Variants in LOXL3 observed in about 807,000 individuals in gnomAD.
The protein encoded by LOXL3 is lysyl oxidase like 3.
A neutral mutation model predicts 91.8 loss-of-function variants in LOXL3; 60 were observed. The ratio of observed to expected loss-of-function variants is 0.65; its 90% CI spans 0.53 to 0.81. The LOEUF (loss-of-function observed/expected upper bound fraction) is 0.81. Among genes scored for constraint, LOXL3 ranks in the 30% least tolerant of loss-of-function variants. The pLI is 0.00. For synonymous variants in LOXL3, 355 were observed against 387.6 expected (o/e 0.92, Z 0.99); for missense variants, 874 against 1,000.4 (o/e 0.87, Z 1.70).
At chr2:74,548,511 G>C in intron 4 of LOXL3, among the ~76,000 whole-genome samples, 1 of 152,208 alleles carries the variant, frequency 6.6e-6, no homozygotes, top group African/African-American at 2.4e-5. Context: ...GTGTGCCCGC[G>C]GAAACCTATC....
intron 13 of LOXL3, 98 bp from the exon 14 acceptor site, chr2:74,533,777 C>G: frequency 7.0e-7 from 1 of 1,427,946 alleles, no homozygotes; most frequent in East Asian, 2.3e-5. Flanking sequence ...GGACTGAGAG[C>G]TCTACAGGAA....
Position 74,535,545 on chromosome 2 carries a change from G to A in LOXL3, c.1416+43C>T, listed in dbSNP as rs755483219. On this transcript the variant is annotated intron_variant, in intron 8 of 13. Transcript: ENST00000264094. This position sits in a 1 kb window ranked among gnomAD's most constrained non-coding sequence, Gnocchi z 4.2. ...CCTCAGCCCTCTGCCCAAAACACAGGCTTTGAGACAACAGCCTCGGCTCCC... is the reference window on the plus strand; with the variant it reads ...CCTCAGCCCTCTGCCCAAAACACAGACTTTGAGACAACAGCCTCGGCTCCC... 1.9e-6 allele frequency: 3 copies of A among 1,612,288 alleles called. No individual in the cohort carries two copies. In the East Asian group the frequency reaches 6.7e-5, roughly 36 times the overall value.
chr2:74,543,793 C>T lies in LOXL3; in HGVS notation c.692+5576G>A, dbSNP rs562007350. On this transcript the variant is annotated intron_variant, in intron 4 of 13. Transcript: ENST00000264094. ...GCGCGTGCCCGTAATCCCAGCTACT[C>T]GAGAGGCTGAGGTAGGAGAATTGCT... Among the ~76,000 whole-genome samples, 6 of 149,622 alleles carry T rather than the reference C, an allele frequency of 4.0e-5. No individual in the cohort carries two copies. In the South Asian group the frequency reaches 1.1e-3, roughly 26 times the overall value.
In LOXL3 at chr2:74,550,288, G is replaced by T; in HGVS notation, c.374C>A (p.Ala125Asp). 6.2e-7 allele frequency: 1 copy of T among 1,614,140 alleles called. No homozygotes were observed. The highest frequency in any genetic ancestry group is 8.5e-7 in the Non-Finnish European group (1 of 1,179,996). Residue 125 changes from alanine (A) to aspartate (D), a missense_variant, in exon 3 of 14, where the codon GCC becomes GAC. By Grantham distance (126) the Ala-to-Asp change is moderately radical. Transcript: ENST00000264094. ...GTCACTGTTCCCCCAGCCCCGGGAG[G>T]CACATTCAGTCACACTCTGCTCGGT... The part of the protein sequence containing the change: ...SGTEQSVTEC[A>D]SRGWGNSDCT...
At chr2:74,538,842 C>A (rs747303419) in intron 4 of LOXL3, among the ~76,000 whole-genome samples, 1 of 152,196 alleles carries the variant, frequency 6.6e-6, no homozygotes, top group Non-Finnish European at 1.5e-5. Context: ...TGGAACTCAG[C>A]AGGGGAAGAT....
At chr2:74,548,791 A>G (rs1212882629) in intron 4 of LOXL3, among the ~76,000 whole-genome samples, 2 of 152,120 alleles carry the variant, frequency 1.3e-5, no homozygotes, top group African/African-American at 4.8e-5. Context: ...GGCCTCGCCA[A>G]AAGAGATCCT....
Position 74,552,403 on chromosome 2 carries a change from C to A in LOXL3, c.232G>T (p.Ala78Ser). The change falls in exon 2 of 14, where the codon GCT (alanine) becomes TCT (serine). Residue 78 changes from alanine to serine, a missense_variant. By Grantham distance (99) the Ala-to-Ser change is moderately conservative. Coordinates refer to ENST00000264094, the MANE Select transcript of LOXL3 (RefSeq NM_032603.5). ...AGCTCCCGGCAGAGGATGTGGGCAGCCTGCAGCGTGAAGTCATCATCGCAG... is the reference window on the plus strand; with the variant it reads ...AGCTCCCGGCAGAGGATGTGGGCAGACTGCAGCGTGAAGTCATCATCGCAG... The part of the protein sequence containing the change: ...TICDDDFTLQ[A>S]AHILCRELGF... 1.9e-6 allele frequency: 3 copies of A among 1,613,620 alleles called. No individual in the cohort carries two copies. Among genetic ancestry groups the A allele is most frequent in the South Asian group, 1.1e-5 (1 of 91,086 alleles).
chr2:74,550,253 C>A lies in LOXL3; in HGVS notation c.409G>T (p.Asp137Tyr). 1 of 1,614,198 alleles carries A rather than the reference C, an allele frequency of 6.2e-7. No homozygotes were observed. Among genetic ancestry groups the A allele is most frequent in the Non-Finnish European group, 8.5e-7 (1 of 1,180,034 alleles). The change falls in exon 3 of 14, where the codon GAT becomes TAT. Residue 137 changes from aspartate to tyrosine, a missense_variant. Physicochemically the swap from Asp to Tyr is radical, Grantham distance 160. Coordinates refer to ENST00000264094, the MANE Select transcript of LOXL3 (RefSeq NM_032603.5). ...TTGCAGATGACCCCAGCATCCTCAT[C>A]GTGCGTACAGTCACTGTTCCCCCAG... ...RGWGNSDCTHDEDAGVICKDQ... is the reference protein window; with the variant it reads ...RGWGNSDCTHYEDAGVICKDQ...
intron 13 of LOXL3, 83 bp from the exon 14 acceptor site, chr2:74,533,762 T>A: frequency 1.4e-6 from 2 of 1,465,360 alleles, no homozygotes; most frequent in Non-Finnish European, 1.9e-6. Flanking sequence ...TGGGTAGAAG[T>A]GGAGGGACTG....
Position 74,533,667 on chromosome 2 carries a change from C to T in LOXL3, c.2201G>A (p.Ser734Asn). The change falls in exon 14 of 14, where the codon AGT becomes AAT. Residue 734 changes from serine to asparagine, a missense_variant. Physicochemically the swap from Ser to Asn is conservative, Grantham distance 46. Coordinates refer to ENST00000264094, the MANE Select transcript of LOXL3 (RefSeq NM_032603.5). ...TTCAAACCTCCTGTTGGCCTCTTCA[C>T]TGAAGGCATCACCTGCAGAGTGGAC... Reference protein sequence around the residue: ...VHNCHIGDAFSEEANRRFERY... With the variant: ...VHNCHIGDAFNEEANRRFERY... 1 of 1,614,068 alleles carries T rather than the reference C, an allele frequency of 6.2e-7. No homozygotes were observed. Among genetic ancestry groups the T allele is most frequent in the Non-Finnish European group, 8.5e-7 (1 of 1,179,996 alleles).
Position 74,535,278 on chromosome 2 carries a change from C to T in LOXL3, c.1579+14G>A, listed in dbSNP as rs867955250. ...CTCCCTTCCCTGGCATGCATCACCC[C>T]CTCCTTCACTCACTCTCAGAACAGA... is the stretch of plus-strand genomic sequence containing the variant. On this transcript the variant is annotated intron_variant, in intron 9 of 13. Transcript: ENST00000264094. This position sits in a 1 kb window ranked among gnomAD's most constrained non-coding sequence, Gnocchi z 4.2. 2.5e-6 allele frequency: 4 copies of T among 1,603,502 alleles called. No individual in the cohort carries two copies. Among genetic ancestry groups the T allele is most frequent in the Non-Finnish European group, 3.4e-6 (4 of 1,173,286 alleles).
rs1380978373 is a variant in LOXL3, at chr2:74,535,339, C to A, written c.1532G>T (p.Cys511Phe). Reference sequence around the variant, plus strand: ...AGTGAAGCGGGTCCCTGTCCTCTTGCAGGTGATGTGGGTGCCATGATGGGC... The same window carrying A: ...AGTGAAGCGGGTCCCTGTCCTCTTGAAGGTGATGTGGGTGCCATGATGGGC... Reference protein sequence around the residue: ...QCAHHGTHITCKRTGTRFTAG... With the variant: ...QCAHHGTHITFKRTGTRFTAG... The change falls in exon 9 of 14, where the codon TGC (cysteine) becomes TTC (phenylalanine). Residue 511 changes from cysteine to phenylalanine, a missense_variant. By Grantham distance (205) the Cys-to-Phe change is radical. Coordinates refer to ENST00000264094, the MANE Select transcript of LOXL3 (RefSeq NM_032603.5). The surrounding 1 kb of genome is among the most constrained non-coding windows in gnomAD (Gnocchi z 4.2). 3.7e-6 allele frequency: 6 copies of A among 1,614,088 alleles called. No individual in the cohort carries two copies. The highest frequency in any genetic ancestry group is 5.1e-6 in the Non-Finnish European group (6 of 1,180,014).
chr2:74,555,218 T>G (rs771594625), upstream of LOXL3: 2 of 1,613,550 alleles, frequency 1.2e-6, no homozygotes, highest in African/African-American at 2.7e-5. This position sits in a 1 kb window ranked among gnomAD's most constrained non-coding sequence, Gnocchi z 6.1. Flanking sequence ...CGGCTCGAGT[T>G]CTTTGACCAT....
upstream of LOXL3, chr2:74,554,523 C>A (rs1216308255): frequency 1.7e-6 from 1 of 572,372 alleles, no homozygotes; most frequent in Non-Finnish European, 3.1e-6. The surrounding 1 kb of genome is among the most constrained non-coding windows in gnomAD (Gnocchi z 4.9). Context: ...TCGGTGGAGC[C>A]ACTGGCGCGC....
Position 74,535,709 on chromosome 2 carries a change from ACCT to A in LOXL3, c.1292_1294del (p.Glu431del). On this transcript the variant is annotated inframe_deletion, in exon 8 of 14. Transcript: ENST00000264094. The surrounding 1 kb of genome is among the most constrained non-coding windows in gnomAD (Gnocchi z 4.2). ...AAGGGGCCCAGGTCCCCCTATTTGC[ACCT>A]CGACTCGCCCCTCATGTTGGCTGCG... is the stretch of plus-strand genomic sequence containing the variant. The A allele has an allele frequency of 6.2e-7, 1 of 1,600,740 alleles. No individual in the cohort carries two copies.
chr2:74,535,276 C>A lies in LOXL3; in HGVS notation c.1579+16G>T, dbSNP rs768199934. Reference sequence around the variant, plus strand: ...CACTCCCTTCCCTGGCATGCATCACCCCCTCCTTCACTCACTCTCAGAACA... The same window carrying A: ...CACTCCCTTCCCTGGCATGCATCACACCCTCCTTCACTCACTCTCAGAACA... On this transcript the variant is annotated intron_variant, in intron 9 of 13. Transcript: ENST00000264094. The surrounding 1 kb of genome is among the most constrained non-coding windows in gnomAD (Gnocchi z 4.2). 6.2e-7 allele frequency: 1 copy of A among 1,602,146 alleles called. No homozygotes were observed. The highest frequency in any genetic ancestry group is 1.1e-5 in the South Asian group (1 of 90,348).
rs753385364 is a variant in LOXL3, at chr2:74,552,618, A to G, written c.17T>C (p.Val6Ala). The G allele has an allele frequency of 1.3e-6, 2 of 1,570,178 alleles. No homozygotes were observed. Among genetic ancestry groups the G allele is most frequent in the East Asian group, 4.6e-5 (2 of 43,136 alleles). The change falls in exon 2 of 14, where the codon GTC becomes GCC. Residue 6 changes from valine to alanine, a missense_variant. Physicochemically the swap from Val to Ala is moderately conservative, Grantham distance 64 (BLOSUM62 0). Coordinates refer to ENST00000264094, the MANE Select transcript of LOXL3 (RefSeq NM_032603.5). MRPVS[V>A]WQWSPWGLLL... is the part of the protein sequence containing the mutation. ...CAGCCCCCAGGGGCTCCACTGCCAG[A>G]CACTGACAGGTCGCATGGCAGGGAA...
chr2:74,554,619 C>T (rs921976495), upstream of LOXL3: 16 of 775,712 alleles, frequency 2.1e-5, no homozygotes, highest in African/African-American at 2.5e-4. This position sits in a 1 kb window ranked among gnomAD's most constrained non-coding sequence, Gnocchi z 4.9. Context: ...TCCTCTCCCT[C>T]ACCCCACCGC....
At chr2:74,544,404 C>T (rs974094277) in intron 4 of LOXL3, among the ~76,000 whole-genome samples, 28 of 152,216 alleles carry the variant, frequency 1.8e-4, no homozygotes, top group Non-Finnish European at 2.6e-4. Flanking sequence ...CCTATAAGGT[C>T]TTCTATGATC....
Sources: allele counts gnomAD v4.1 joint callset (sites outside exome capture counted in the v4.1 genomes callset), GRCh38; gene constraint gnomAD v4.1.1; non-coding constraint Gnocchi (gnomAD v3.1); transcripts MANE v1.5; gene names NCBI Gene and HGNC (gene_info 2026-07-23, HGNC 2026-07-21).